Variants in RBFOX1 observed in about 807,000 individuals in gnomAD.
The protein encoded by RBFOX1 is RNA binding fox-1 homolog 1.
A neutral mutation model predicts 57.7 loss-of-function variants in RBFOX1; 8 were observed. The ratio of observed to expected loss-of-function variants is 0.14; its 90% confidence interval spans 0.08 to 0.25. The LOEUF (loss-of-function observed/expected upper bound fraction) is 0.25. Ranked by LOEUF, RBFOX1 falls within the 10% of genes least tolerant of loss-of-function variation. RBFOX1 has a pLI of 1.00. For synonymous variants in RBFOX1, 326 were observed against 222.4 expected (o/e 1.47, Z -4.15); for missense variants, 611 against 548.5 (o/e 1.11, Z -1.14).
At chr16:5,642,560 C>G (rs1180265252) in intron 3 of RBFOX1, among the ~76,000 whole-genome samples, 1 of 152,138 alleles carries the variant, frequency 6.6e-6, no homozygotes, top group Non-Finnish European at 1.5e-5. Flanking sequence ...AGTGCTTATT[C>G]CCATCAGGTG....
intron 4 of RBFOX1, among the ~76,000 whole-genome samples, chr16:7,390,759 A>G (rs55663117): frequency 0.065 from 9,914 of 152,276 alleles, 401 homozygotes; most frequent in East Asian, 0.2. Flanking sequence ...GTTTTTTTCA[A>G]TAGGACAGAA....
At chr16:6,948,375 CT>C (rs968186299) in intron 3 of RBFOX1, among the ~76,000 whole-genome samples, 185 of 67,956 alleles carry the variant, frequency 2.7e-3, no homozygotes, top group African/African-American at 7.7e-3. Context: ...TTCTCCCTTT[CT>C]TTTTTTTTTT....
intron 4 of RBFOX1, among the ~76,000 whole-genome samples, chr16:7,222,011 A>T (rs911994023): frequency 1.3e-5 from 2 of 152,238 alleles, no homozygotes; most frequent in Non-Finnish European, 2.9e-5. Context: ...TTTTACCATT[A>T]TTAGCCAGCC....
intron 1 of RBFOX1, among the ~76,000 whole-genome samples, chr16:5,255,334 A>ATCCC (rs1555468908): frequency 7.3e-6 from 1 of 137,018 alleles, no homozygotes; most frequent in Non-Finnish European, 1.6e-5. Flanking sequence ...CCATCCATCC[A>ATCCC]TCCATCCATC....
At chr16:6,855,748 C>T (rs776145472) in intron 3 of RBFOX1, among the ~76,000 whole-genome samples, 3 of 151,680 alleles carry the variant, frequency 2.0e-5, no homozygotes, top group Non-Finnish European at 4.4e-5. Flanking sequence ...CATTTAATTG[C>T]GCAGCCCTTG....
intron 4 of RBFOX1, among the ~76,000 whole-genome samples, chr16:7,302,676 A>G (rs1476351659): frequency 3.3e-5 from 5 of 151,284 alleles, no homozygotes; most frequent in East Asian, 1.9e-4. Context: ...GTCAAAATCT[A>G]TATTAAAAAA....
chr16:6,732,445 T>A (rs979712393), intron 3 of RBFOX1, among the ~76,000 whole-genome samples: 1 of 152,150 alleles, frequency 6.6e-6, no homozygotes, highest in African/African-American at 2.4e-5. Flanking sequence ...ACTGGGGAGT[T>A]TATTGAGGAT....
Position 5,734,307 on chromosome 16 carries a change from A to C in RBFOX1, c.319-132996A>C, listed in dbSNP as rs8052314. Reference sequence around the variant, plus strand: ...AGACCCCACGTCTACACAAAATAGGAATTTTTTCTACTTGGGATTCTGAGG... The same window carrying C: ...AGACCCCACGTCTACACAAAATAGGCATTTTTTCTACTTGGGATTCTGAGG... On this transcript the variant is annotated intron_variant, in intron 3 of 19. Coordinates refer to the RBFOX1 transcript ENST00000641259. 9.3e-3 allele frequency among the ~76,000 whole-genome samples: 1,421 copies of C among 152,154 alleles called. 19 individuals carry two copies. Among genetic ancestry groups the C allele is most frequent in the African/African-American group, 0.032 (1,348 of 41,498 alleles).
chr16:5,503,862 C>G (rs1326289558), intron 2 of RBFOX1, among the ~76,000 whole-genome samples: 1 of 152,254 alleles, frequency 6.6e-6, no homozygotes, highest in Non-Finnish European at 1.5e-5. Flanking sequence ...CCCCTATTGT[C>G]TGGTCCTCCC....
chr16:6,284,721 C>G (rs1599178361), intron 1 of RBFOX1, among the ~76,000 whole-genome samples: 1 of 152,028 alleles, frequency 6.6e-6, no homozygotes, highest in Non-Finnish European at 1.5e-5. Context: ...ATACCCCTGA[C>G]CTTGTGAAAT....
intron 3 of RBFOX1, among the ~76,000 whole-genome samples, chr16:7,045,982 GA>G (rs1442563479): frequency 6.6e-6 from 1 of 151,986 alleles, no homozygotes. Flanking sequence ...ATTAATTAAC[GA>G]AAATCAATGC....
intron 3 of RBFOX1, among the ~76,000 whole-genome samples, chr16:6,914,835 C>T (rs1415664962): frequency 6.6e-6 from 1 of 152,170 alleles, no homozygotes; most frequent in Non-Finnish European, 1.5e-5. Context: ...CTGCACTGAG[C>T]CAAGATCGCA....
At chr16:5,873,864 G>A (rs1049257653) in intron 4 of RBFOX1, among the ~76,000 whole-genome samples, 2 of 152,084 alleles carry the variant, frequency 1.3e-5, no homozygotes, top group African/African-American at 4.8e-5. Context: ...AGCTTTGAAG[G>A]GTGGATTAGG....
At chr16:5,731,578 T>C (rs574484666) in intron 3 of RBFOX1, among the ~76,000 whole-genome samples, 21 of 152,268 alleles carry the variant, frequency 1.4e-4, no homozygotes, top group African/African-American at 5.1e-4. Flanking sequence ...CTTCTGAGAT[T>C]AGCAAATATA....
At chr16:7,089,040 A>C (rs1003873045) in intron 4 of RBFOX1, among the ~76,000 whole-genome samples, 1 of 152,118 alleles carries the variant, frequency 6.6e-6, no homozygotes, top group African/African-American at 2.4e-5. Context: ...GCTGGTCTCT[A>C]GGTCTGCCTT....
intron 3 of RBFOX1, among the ~76,000 whole-genome samples, chr16:6,852,543 G>T (rs149320898): frequency 6.6e-6 from 1 of 152,202 alleles, no homozygotes; most frequent in African/African-American, 2.4e-5. Flanking sequence ...TAACTTTGGC[G>T]AGATACATGG....
chr16:7,682,361 G>C (rs1296035605), intron 14 of RBFOX1, among the ~76,000 whole-genome samples: 1 of 152,004 alleles, frequency 6.6e-6, no homozygotes, highest in South Asian at 2.1e-4. Context: ...GGAGTTCTTG[G>C]GGGTTCAGAA....
At chr16:6,582,887 A>C (rs8044346) in intron 2 of RBFOX1, among the ~76,000 whole-genome samples, 3,468 of 149,270 alleles carry the variant, frequency 0.023, 127 homozygotes, top group African/African-American at 0.08. Flanking sequence ...CTGGTTTTCT[A>C]AGCTACAGTT....
rs150510686 is a variant in RBFOX1 at position 6,264,872 on chromosome 16, G to A, written c.-126-52123G>A. On this transcript the variant is annotated intron_variant, in intron 1 of 15. Transcript: ENST00000550418. Reference sequence around the variant, plus strand: ...TTCCTTGATTACCTCTGAGTCCATGGCATATGACCTAACATGTAGTAAATG... The same window carrying A: ...TTCCTTGATTACCTCTGAGTCCATGACATATGACCTAACATGTAGTAAATG... Among the ~76,000 whole-genome samples, 13 of 152,210 alleles carry A rather than the reference G, an allele frequency of 8.5e-5. No individual in the cohort carries two copies. The East Asian group carries it at 1.7e-3, about 20-fold the overall frequency.
Sources: gnomAD v4.1 joint callset for allele counts (sites outside exome capture counted in the v4.1 genomes callset) on GRCh38, gnomAD v4.1.1 for gene constraint, MANE v1.5 for transcripts, NCBI Gene and HGNC (gene_info 2026-07-23, HGNC 2026-07-21) for gene names.